MCF2: variants seen among roughly 807,000 people sequenced by gnomAD.
The protein encoded by MCF2 is MCF.2 cell line derived transforming sequence, also known as proto-oncogene DBL.
Under a neutral mutation model 82.5 loss-of-function variants are expected in MCF2, and 44 were observed. That is an observed-to-expected ratio of 0.53 (90% CI 0.42 to 0.69). The LOEUF (loss-of-function observed/expected upper bound fraction) is 0.69. MCF2 is among the 30% of genes least tolerant of loss of function. MCF2 has a pLI of 0.00. For synonymous variants in MCF2, 217 were observed against 224.9 expected (o/e 0.96, Z 0.32); for missense variants, 623 against 663.1 (o/e 0.94, Z 0.66).
intron 1 of MCF2, among the ~76,000 whole-genome samples, chrX:139,678,726 T>C (rs902204160): frequency 1.8e-5 from 2 of 112,213 alleles, no homozygotes; most frequent in East Asian, 5.6e-4. Context: ...GAAAAGATGC[T>C]CCACTGCATT....
At chrX:139,587,823 A>C in intron 21 of MCF2, 35 bp from the exon 26 acceptor site, 1 of 919,644 alleles carries the variant, frequency 1.1e-6, no homozygotes, top group Non-Finnish European at 1.6e-6. Flanking sequence ...ATCATTCAGA[A>C]GTCACACTTC....
At chrX:139,642,773 A>G in exon 1 of MCF2, 1 of 1,025,752 alleles carries the variant, frequency 9.7e-7, no homozygotes, top group Non-Finnish European at 1.2e-6. Context: ...CATTCCTCCA[A>G]TTACTTAGCC....
chrX:139,652,520 T>C (rs1934061329), intron 1 of MCF2, among the ~76,000 whole-genome samples: 1 of 111,992 alleles, frequency 8.9e-6, no homozygotes, highest in Admixed American at 9.5e-5. Context: ...ACAATGTCCA[T>C]GCATTGTTCA....
At chrX:139,689,479 C>G (rs763927833) in intron 1 of MCF2, among the ~76,000 whole-genome samples, 5 of 110,536 alleles carry the variant, frequency 4.5e-5, no homozygotes, top group Non-Finnish European at 5.7e-5. Context: ...CAGTGGCTTC[C>G]GATTGCTCTG....
At chrX:139,641,023 G>C (rs1933532687) in intron 1 of MCF2, among the ~76,000 whole-genome samples, 1 of 110,006 alleles carries the variant, frequency 9.1e-6, no homozygotes, top group Non-Finnish European at 1.9e-5. Flanking sequence ...CTTCAGCCCA[G>C]TAGCCATTCC....
intron 7 of MCF2, 26 bp from the exon 11 acceptor site, chrX:139,617,730 A>C (rs1452446164): frequency 1.0e-6 from 1 of 964,571 alleles, no homozygotes; most frequent in Non-Finnish European, 1.4e-6. Context: ...ACAAAAAATA[A>C]TGAATACATG....
chrX:139,675,781 G>A (rs1934847333), intron 1 of MCF2, among the ~76,000 whole-genome samples: 1 of 112,395 alleles, frequency 8.9e-6, no homozygotes, highest in Admixed American at 9.4e-5. Flanking sequence ...CGGAGGTCAG[G>A]GACCCACTTG....
At chrX:139,662,448 G>A (rs997055867) in intron 1 of MCF2, among the ~76,000 whole-genome samples, 5 of 110,896 alleles carry the variant, frequency 4.5e-5, no homozygotes, top group East Asian at 5.7e-4. Context: ...CACAGTTCCC[G>A]ATTTCAAAGC....
At chrX:139,602,444 T>C in exon 16 of MCF2, 1 of 1,206,258 alleles carries the variant, frequency 8.3e-7, no homozygotes, top group Non-Finnish European at 1.1e-6. Flanking sequence ...CTCCAAATTG[T>C]TTCTGATCTG....
At chrX:139,624,312 G>A (rs948094072) in intron 6 of MCF2, among the ~76,000 whole-genome samples, 5 of 110,650 alleles carry the variant, frequency 4.5e-5, no homozygotes, top group African/African-American at 1.3e-4. Flanking sequence ...AGGCTGAGGC[G>A]GGAGGATTGT....
chrX:139,699,512 A>T (rs982774502), intron 1 of MCF2, among the ~76,000 whole-genome samples: 2 of 112,035 alleles, frequency 1.8e-5, no homozygotes, highest in African/African-American at 6.5e-5. Flanking sequence ...TTAAGGCCCC[A>T]CATCACCACC....
intron 1 of MCF2, among the ~76,000 whole-genome samples, chrX:139,671,549 A>C (rs1425261017): frequency 9.0e-6 from 1 of 111,622 alleles, no homozygotes; most frequent in Non-Finnish European, 1.9e-5. Flanking sequence ...TAGTTTTCCC[A>C]GCACCATTTA....
intron 4 of MCF2, 88 bp downstream of exon 7, chrX:139,629,607 G>T: frequency 1.2e-6 from 1 of 836,001 alleles, no homozygotes; most frequent in Non-Finnish European, 1.7e-6. Context: ...CTCCCCTTAT[G>T]CAACAGTCAG....
intron 1 of MCF2, among the ~76,000 whole-genome samples, chrX:139,673,128 G>C (rs1367910256): frequency 9.0e-6 from 1 of 111,669 alleles, no homozygotes; most frequent in Non-Finnish European, 1.9e-5. Flanking sequence ...ATTCTCTAAT[G>C]GTAGTTTGTA....
At chrX:139,619,523 T>C (rs1275486055) in intron 7 of MCF2, 64 bp downstream of exon 10, 4 of 855,715 alleles carry the variant, frequency 4.7e-6, no homozygotes, top group Non-Finnish European at 6.3e-6. Context: ...TTATACTACC[T>C]ACTCCCGCCA....
chrX:139,641,465 A>G (rs987412231), intron 1 of MCF2, among the ~76,000 whole-genome samples: 2 of 111,171 alleles, frequency 1.8e-5, no homozygotes, highest in Non-Finnish European at 3.8e-5. Flanking sequence ...TAAATCATTT[A>G]CACACCTATT....
chrX:139,705,822 A>C (rs1306078088), intron 1 of MCF2, among the ~76,000 whole-genome samples: 1 of 112,441 alleles, frequency 8.9e-6, no homozygotes, highest in Admixed American at 9.4e-5. Context: ...GTATCTGACA[A>C]AGGTCTAATA....
chrX:139,620,973 C>G (rs1903619462), intron 6 of MCF2, among the ~76,000 whole-genome samples: 1 of 111,272 alleles, frequency 9.0e-6, no homozygotes, highest in African/African-American at 3.3e-5. Context: ...TATACCAAAA[C>G]AACATAGTCC....
chrX:139,677,851 T>C (rs1339082864), intron 1 of MCF2, among the ~76,000 whole-genome samples: 1 of 111,812 alleles, frequency 8.9e-6, no homozygotes. Flanking sequence ...TACAAAAACA[T>C]GGTGGGAAAA....
Sources: allele counts gnomAD v4.1 joint callset (sites outside exome capture counted in the v4.1 genomes callset), GRCh38; gene constraint gnomAD v4.1.1; transcripts MANE v1.5; gene names NCBI Gene and HGNC (gene_info 2026-07-23, HGNC 2026-07-21).